The following ZFHX3 variants were observed in gnomAD, a reference collection of about 807,000 sequenced individuals.
The protein encoded by ZFHX3 is zinc finger homeobox 3.
Under a neutral mutation model 279.1 loss-of-function variants are expected in ZFHX3, and 42 were observed. That is an observed-to-expected ratio of 0.15 (90% confidence interval 0.12 to 0.19). The LOEUF (loss-of-function observed/expected upper bound fraction) is 0.19, where lower values mean the gene tolerates loss of function less well. ZFHX3 is among the 10% of genes least tolerant of loss of function. The pLI is 1.00. For synonymous variants in ZFHX3, 2,293 were observed against 1,957.8 expected (o/e 1.17, Z -4.52); for missense variants, 4,981 against 4,754.0 (o/e 1.05, Z -1.40).
At chr16:73,328,949 C>G (rs964527917) in intron 3 of ZFHX3, among the ~76,000 whole-genome samples, 2 of 152,338 alleles carry the variant, frequency 1.3e-5, no homozygotes. Flanking sequence ...ATTAGCACAT[C>G]GAAGGACCTC....
chr16:73,783,372 T>A (rs1003884803), intron 1 of ZFHX3, among the ~76,000 whole-genome samples: 1 of 152,184 alleles, frequency 6.6e-6, no homozygotes, highest in African/African-American at 2.4e-5. Flanking sequence ...CCCTTAGTCA[T>A]GTTGTTCCCC....
rs552173420 is a variant in ZFHX3, at chr16:73,583,029, GGATGTAA to G, written c.-1547+97144_-1547+97150del. On this transcript the variant is annotated intron_variant, in intron 2 of 17. Coordinates refer to the ZFHX3 transcript ENST00000641206. ...ATTCATTTTCTTTGCACTAGTCTTAGGATGTAAGAAAATTAAAACTGCAGGGTTGTGG... is the reference window on the plus strand; with the variant it reads ...ATTCATTTTCTTTGCACTAGTCTTAGGAAAATTAAAACTGCAGGGTTGTGG... Among the ~76,000 whole-genome samples the G allele has an allele frequency of 1.8e-3, 271 of 152,284 alleles. 5 individuals are homozygous for G. Among genetic ancestry groups the G allele is most frequent in the East Asian group, 2.7e-3 (14 of 5,186 alleles).
At chr16:73,408,893 C>G (rs1185233450) in intron 3 of ZFHX3, among the ~76,000 whole-genome samples, 1 of 152,028 alleles carries the variant, frequency 6.6e-6, no homozygotes, top group African/African-American at 2.4e-5. Flanking sequence ...TCTTCCAGAC[C>G]TGCTCAAACT....
At chr16:73,624,607 A>G (rs2052398185) in intron 2 of ZFHX3, among the ~76,000 whole-genome samples, 1 of 151,702 alleles carries the variant, frequency 6.6e-6, no homozygotes, top group African/African-American at 2.4e-5. Context: ...ACAGAGTGAA[A>G]TGAATTCAGC....
intron 1 of ZFHX3, among the ~76,000 whole-genome samples, chr16:73,779,029 GT>G (rs1325700964): frequency 2.6e-5 from 4 of 152,210 alleles, no homozygotes; most frequent in African/African-American, 9.6e-5. Context: ...AAGCCTGAGT[GT>G]CCCCAGCTCC....
At chr16:73,789,177 T>A (rs967664608) in intron 1 of ZFHX3, among the ~76,000 whole-genome samples, 1 of 151,798 alleles carries the variant, frequency 6.6e-6, no homozygotes, top group Non-Finnish European at 1.5e-5. Flanking sequence ...AGATATGGAT[T>A]TTTTTATTAT....
intron 1 of ZFHX3, chr16:73,796,491 T>C (rs1959992722): frequency 6.6e-6 from 1 of 152,208 alleles, no homozygotes; most frequent in Non-Finnish European, 1.5e-5. Context: ...AGTTTTCATT[T>C]CAGAATGAGT....
intron 3 of ZFHX3, among the ~76,000 whole-genome samples, chr16:73,373,588 G>C (rs899118242): frequency 6.6e-6 from 1 of 152,180 alleles, no homozygotes; most frequent in African/African-American, 2.4e-5. Context: ...GAACTGGATT[G>C]CCAAAGAAAA....
At chr16:73,560,413 G>T (rs996589180) in intron 2 of ZFHX3, among the ~76,000 whole-genome samples, 2 of 152,142 alleles carry the variant, frequency 1.3e-5, no homozygotes, top group Non-Finnish European at 2.9e-5. Flanking sequence ...CACTGTCAGG[G>T]CTGACTTTTA....
intron 1 of ZFHX3, among the ~76,000 whole-genome samples, chr16:73,742,691 C>G (rs536050796): frequency 6.6e-6 from 1 of 152,152 alleles, no homozygotes; most frequent in Non-Finnish European, 1.5e-5. Context: ...GAGCAAGTAA[C>G]CACTGCAAAA....
chr16:72,954,527 A>G (rs1961153535), intron 2 of ZFHX3, among the ~76,000 whole-genome samples: 1 of 152,188 alleles, frequency 6.6e-6, no homozygotes, highest in Non-Finnish European at 1.5e-5. Flanking sequence ...GCACATCCTC[A>G]GGAAGGTGCA....
intron 3 of ZFHX3, among the ~76,000 whole-genome samples, chr16:72,942,455 T>G (rs1960457709): frequency 6.6e-6 from 1 of 152,154 alleles, no homozygotes. Context: ...AGTTTGAGGT[T>G]TCTCTCTCAT....
At chr16:73,461,025 C>G (rs113420723) in intron 2 of ZFHX3, among the ~76,000 whole-genome samples, 1 of 152,198 alleles carries the variant, frequency 6.6e-6, no homozygotes, top group Admixed American at 6.5e-5. Context: ...TTCTTTACAG[C>G]AATGCAAGAA....
At chr16:72,792,362 A>C (rs529545925) in intron 9 of ZFHX3, among the ~76,000 whole-genome samples, 56 of 152,356 alleles carry the variant, frequency 3.7e-4, no homozygotes, top group Middle Eastern at 3.4e-3. Context: ...AGTGCACTCA[A>C]GTAGAACGGC....
At chr16:73,691,975 T>C (rs953624019) in intron 1 of ZFHX3, among the ~76,000 whole-genome samples, 1 of 152,146 alleles carries the variant, frequency 6.6e-6, no homozygotes, top group African/African-American at 2.4e-5. Context: ...GTAAAAGAGA[T>C]TATCATCAAA....
chr16:73,667,455 A>AT (rs1235729710), intron 2 of ZFHX3, among the ~76,000 whole-genome samples: 2 of 152,334 alleles, frequency 1.3e-5, no homozygotes, highest in Admixed American at 1.3e-4. Context: ...GCTGGATCAA[A>AT]TGATACATAT....
chr16:73,762,040 C>G (rs1320054597), intron 1 of ZFHX3, among the ~76,000 whole-genome samples: 3 of 151,812 alleles, frequency 2.0e-5, no homozygotes, highest in African/African-American at 7.3e-5. Context: ...TCAGAGCAAA[C>G]AGACAACCTA....
chr16:73,629,270 A>T (rs1408000922), intron 2 of ZFHX3, among the ~76,000 whole-genome samples: 1 of 152,090 alleles, frequency 6.6e-6, no homozygotes, highest in African/African-American at 2.4e-5. Flanking sequence ...GGAATTTCAT[A>T]TGGTATTCAG....
chr16:73,729,634 G>A (rs957141744), intron 1 of ZFHX3, among the ~76,000 whole-genome samples: 28 of 152,060 alleles, frequency 1.8e-4, no homozygotes, highest in Non-Finnish European at 3.8e-4. Context: ...TACTATTGGG[G>A]AAACCCAAAC....
Sources: gnomAD v4.1 joint callset for allele counts (sites outside exome capture counted in the v4.1 genomes callset) on GRCh38, gnomAD v4.1.1 for gene constraint, MANE v1.5 for transcripts, NCBI Gene and HGNC (gene_info 2026-07-23, HGNC 2026-07-21) for gene names.